Variants in RREB1 observed in about 807,000 individuals in gnomAD.
The protein encoded by RREB1 is ras responsive element binding protein 1.
A neutral mutation model predicts 117.8 loss-of-function variants in RREB1; 27 were observed. That is an observed-to-expected ratio of 0.23 (90% CI 0.17 to 0.32). The LOEUF is 0.32. Among genes scored for constraint, RREB1 ranks in the 10% least tolerant of loss-of-function variants. The pLI, the probability that RREB1 is intolerant of heterozygous loss-of-function variation, is 1.00. For synonymous variants in RREB1, 1,298 were observed against 1,026.7 expected, an observed-to-expected ratio of 1.26 and a Z score of -5.05; for missense variants, 2,577 against 2,378.2, an observed-to-expected ratio of 1.08 and a Z score of -1.74.
rs1207081989 is a variant in RREB1 at position 7,249,798 on chromosome 6, A to ATT, written c.*830_*831insTT. On this transcript the variant is annotated 3_prime_UTR_variant, in exon 13 of 13. Coordinates refer to ENST00000379938, the MANE Select transcript of RREB1 (RefSeq NM_001003699.4). The stretch of plus-strand genomic sequence containing the variant: ...CTTCCCTTTCAGTATATGTATTATT[A>ATT]ATATTATTATTATTATTATTATTAT... The ATT allele has an allele frequency of 8.3e-4, 125 of 150,960 alleles. 1 individual carries two copies. Among genetic ancestry groups the ATT allele is most frequent in the African/African-American group, 2.9e-3 (118 of 40,726 alleles). 9.4% of individuals were successfully genotyped at this position (150,960 alleles called of 1,614,324 possible).
chr6:7,119,538 A>G (rs2113307662), intron 1 of RREB1, among the ~76,000 whole-genome samples: 1 of 152,218 alleles, frequency 6.6e-6, no homozygotes, highest in East Asian at 1.9e-4. Flanking sequence ...AGGAAAGAAA[A>G]AGCGTCAGAA....
At chr6:7,187,359 C>CA in intron 4 of RREB1, 75 bp from the exon 5 acceptor site, 1 of 899,344 alleles carries the variant, frequency 1.1e-6, no homozygotes, top group African/African-American at 1.6e-5. Flanking sequence ...GTGCTTATTA[C>CA]ACTTATTACA....
At chr6:7,175,124 C>T (rs1408897524) in intron 1 of RREB1, among the ~76,000 whole-genome samples, 2 of 151,608 alleles carry the variant, frequency 1.3e-5, no homozygotes, top group African/African-American at 4.9e-5. Context: ...TTTTTTTAAG[C>T]AATATTTAAT....
chr6:7,153,109 T>C (rs1306072531), intron 1 of RREB1, among the ~76,000 whole-genome samples: 2 of 151,278 alleles, frequency 1.3e-5, no homozygotes, highest in Non-Finnish European at 3.0e-5. Context: ...GAGAGGGTTT[T>C]TTTTTTTTTT....
intron 1 of RREB1, among the ~76,000 whole-genome samples, chr6:7,119,679 G>GAGCA (rs535866685): frequency 2.4e-4 from 37 of 152,322 alleles, no homozygotes; most frequent in African/African-American, 8.7e-4. Context: ...ATAAGGGCTA[G>GAGCA]AGCAGGCTGC....
intron 1 of RREB1, among the ~76,000 whole-genome samples, chr6:7,149,709 C>G (rs900448420): frequency 6.6e-6 from 1 of 152,178 alleles, no homozygotes; most frequent in African/African-American, 2.4e-5. Flanking sequence ...TTTGTTGAGA[C>G]AGAGTTTCGC....
chr6:7,246,491 A>G lies in RREB1; in HGVS notation c.4041A>G (p.Arg1347=), dbSNP rs1769034837. 6.5e-7 allele frequency: 1 copy of G among 1,543,440 alleles called. No homozygotes were observed. The highest frequency in any genetic ancestry group is 1.4e-5 in the African/African-American group (1 of 73,242). The change falls in exon 12 of 13, where the codon AGA becomes AGG. Residue 1347 remains arginine, a synonymous_variant. Transcript: ENST00000379938. ...GEVLDLTSRD[R]EQPSEGATEL... ...TGCTAGACCTCACCTCACGGGACAG[A>G]GAGCAGCCGTCGGAGGGCGCCACTG...
At chr6:7,239,518 G>A (rs2113161059) in intron 10 of RREB1, among the ~76,000 whole-genome samples, 1 of 152,260 alleles carries the variant, frequency 6.6e-6, no homozygotes, top group South Asian at 2.1e-4. Flanking sequence ...TTTGAAACAT[G>A]ATGTTTACAG....
intron 1 of RREB1, among the ~76,000 whole-genome samples, chr6:7,148,621 C>G (rs1025377256): frequency 6.6e-6 from 1 of 152,106 alleles, no homozygotes; most frequent in Non-Finnish European, 1.5e-5. Context: ...GAGTCACCCC[C>G]ACAAAAGGCT....
At chr6:7,120,715 G>A (rs1173908918) in intron 1 of RREB1, among the ~76,000 whole-genome samples, 1 of 151,484 alleles carries the variant, frequency 6.6e-6, no homozygotes, top group African/African-American at 2.4e-5. Flanking sequence ...TCTGTCAACA[G>A]GGTGGAGTGC....
chr6:7,234,280 G>A (rs768150129), intron 10 of RREB1, among the ~76,000 whole-genome samples: 9 of 152,158 alleles, frequency 5.9e-5, no homozygotes, highest in Non-Finnish European at 1.3e-4. Context: ...AGAGTTTATG[G>A]AGAAGTGAGT....
At chr6:7,189,387 G>A in intron 6 of RREB1, 65 bp downstream of exon 6, 2 of 1,448,920 alleles carry the variant, frequency 1.4e-6, no homozygotes, top group Non-Finnish European at 9.3e-7. Context: ...GCAGGACAGT[G>A]GCCTCTGAGC....
chr6:7,193,643 A>AT (rs1358059963), intron 6 of RREB1, among the ~76,000 whole-genome samples: 1 of 152,164 alleles, frequency 6.6e-6, no homozygotes, highest in African/African-American at 2.4e-5. Context: ...GCACATACAT[A>AT]ATGAGGTATC....
At chr6:7,166,519 G>C (rs1434883855) in intron 1 of RREB1, among the ~76,000 whole-genome samples, 1 of 152,154 alleles carries the variant, frequency 6.6e-6, no homozygotes, top group Non-Finnish European at 1.5e-5. Context: ...GCTGGGCGTG[G>C]TCACTTCACC....
At position 7,251,410 on chromosome 6, in the gene RREB1, C is replaced by G. The variant is rs974255858; in HGVS notation, c.*2442C>G. ...CTATACATTTTGTTTGATTCTCTTT[C>G]TCCTTCTCTCAGGGCTTTTACAAAA... On this transcript the variant is annotated 3_prime_UTR_variant, in exon 13 of 13. Coordinates refer to ENST00000379938, the MANE Select transcript of RREB1 (RefSeq NM_001003699.4). 2.7e-5 allele frequency: 4 copies of G among 150,780 alleles called. No homozygotes were observed. Among genetic ancestry groups the G allele is most frequent in the Non-Finnish European group, 5.9e-5 (4 of 67,878 alleles). The allele number at this position is 150,780 out of a possible 1,614,324, so 9.3% of individuals were successfully genotyped here.
chr6:7,127,989 A>G (rs892768949), intron 1 of RREB1, among the ~76,000 whole-genome samples: 5 of 152,098 alleles, frequency 3.3e-5, no homozygotes, highest in African/African-American at 1.2e-4. Flanking sequence ...CCCAAAGACA[A>G]TTAATGGTGT....
chr6:7,188,614 C>T (rs557761694), intron 5 of RREB1, among the ~76,000 whole-genome samples: 23 of 152,172 alleles, frequency 1.5e-4, no homozygotes, highest in Middle Eastern at 6.8e-3. Flanking sequence ...GGATTGATGA[C>T]CTAGTAAAAT....
At chr6:7,168,852 C>A (rs1764080827) in intron 1 of RREB1, among the ~76,000 whole-genome samples, 1 of 151,616 alleles carries the variant, frequency 6.6e-6, no homozygotes, top group African/African-American at 2.4e-5. Flanking sequence ...GTCAGACAAC[C>A]CCAGGCTAGA....
chr6:7,190,625 G>A (rs1403993810), intron 6 of RREB1, among the ~76,000 whole-genome samples: 2 of 152,072 alleles, frequency 1.3e-5, no homozygotes, highest in Non-Finnish European at 2.9e-5. Context: ...ATCTCTTCCT[G>A]GGACTGTTTT....
Sources: allele counts gnomAD v4.1 joint callset (sites outside exome capture counted in the v4.1 genomes callset), GRCh38; gene constraint gnomAD v4.1.1; transcripts MANE v1.5; gene names NCBI Gene and HGNC (gene_info 2026-07-23, HGNC 2026-07-21).